Variants in AMPD3 observed in about 807,000 individuals in gnomAD.
The protein encoded by AMPD3 is adenosine monophosphate deaminase 3, also known as AMP deaminase 3.
AMPD3 carries 57 observed loss-of-function variants against 82.3 expected under a neutral mutation model. The observed-to-expected ratio is 0.69, with a 90% CI of 0.56 to 0.86. The LOEUF (loss-of-function observed/expected upper bound fraction) is 0.86, where lower values mean the gene tolerates loss of function less well. Ranked by LOEUF, AMPD3 falls within the 40% of genes least tolerant of loss-of-function variation. AMPD3 has a pLI of 0.00. For synonymous variants in AMPD3, 381 were observed against 394.7 expected (o/e 0.97, Z 0.41); for missense variants, 870 against 1,003.8 (o/e 0.87, Z 1.80).
chr11:10,486,660 G>A (rs1241546194), intron 5 of AMPD3: 2 of 985,292 alleles, frequency 2.0e-6, no homozygotes, highest in Non-Finnish European at 2.4e-6. Context: ...AGAGATCCTT[G>A]GGCCGTGGCC....
chr11:10,504,775 C>T (rs1849672224), intron 14 of AMPD3, 116 bp downstream of exon 14: 3 of 968,854 alleles, frequency 3.1e-6, no homozygotes, highest in East Asian at 5.0e-5. Flanking sequence ...GCCTCTGAGA[C>T]ACTCAGGCAC....
In AMPD3 at chr11:10,493,206, G is replaced by T. The variant is rs1194937332; in HGVS notation, c.940-143G>T. The T allele has an allele frequency of 8.7e-6, 8 of 921,958 alleles. No individual in the cohort carries two copies. In the Admixed American group the frequency reaches 1.4e-4, roughly 16 times the overall value. 57.1% of individuals were successfully genotyped at this position (921,958 alleles called of 1,614,324 possible). A position where few individuals can be genotyped will look rare whatever the true frequency, so the allele number is the denominator to read the frequency against. ...AGTTCCGAAGTCTGGAGGAGAAATG[G>T]GGGGTGGGATCCAGACACTGGTGGG... On this transcript the variant is annotated intron_variant, in intron 6 of 14. Coordinates refer to ENST00000396553, the MANE Select transcript of AMPD3 (RefSeq NM_001025389.2).
rs997270553 is a variant in AMPD3, at chr11:10,456,524, G to T, written c.-6+1076G>T. ...TGGAGGGACTGTGGCACCATGAAAA[G>T]TTACTGTTTGTTGAAACTGGCAGTG... is the stretch of plus-strand genomic sequence containing the variant. On this transcript the variant is annotated intron_variant, in intron 1 of 14. Coordinates refer to ENST00000396553, the MANE Select transcript of AMPD3 (RefSeq NM_001025389.2). The surrounding 1 kb of genome is among the most constrained non-coding windows in gnomAD (Gnocchi z 4.3). The T allele has an allele frequency of 1.1e-5, 18 of 1,605,654 alleles. No homozygotes were observed. The African/African-American group carries it at 2.1e-4, about 19-fold the overall frequency.
At chr11:10,458,756 T>C (rs1398542406) in intron 1 of AMPD3, among the ~76,000 whole-genome samples, 1 of 152,234 alleles carries the variant, frequency 6.6e-6, no homozygotes, top group Non-Finnish European at 1.5e-5. Context: ...CAGGTAAATA[T>C]CCTTGTGCTT....
chr11:10,504,832 T>C (rs1849673817), intron 14 of AMPD3, among the ~76,000 whole-genome samples, 173 bp downstream of exon 14: 1 of 152,190 alleles, frequency 6.6e-6, no homozygotes, highest in African/African-American at 2.4e-5. Flanking sequence ...GGCTGCTTCC[T>C]CACCCTTCTC....
In AMPD3 at chr11:10,485,322, C is replaced by A. The variant is rs1243486599; in HGVS notation, c.809+283C>A. Among the ~76,000 whole-genome samples the A allele has an allele frequency of 2.0e-5, 3 of 152,176 alleles. No individual in the cohort carries two copies. The East Asian group carries it at 5.8e-4, about 29-fold the overall frequency. Reference sequence around the variant, plus strand: ...GGTGCAGTGGTGCGATCTTGGTTCACTGCAACCTCTGCCTCCTGGGTTGAA... The same window carrying A: ...GGTGCAGTGGTGCGATCTTGGTTCAATGCAACCTCTGCCTCCTGGGTTGAA... On this transcript the variant is annotated intron_variant, in intron 5 of 14. Transcript: ENST00000396553.
At chr11:10,473,411 G>A (rs1176695560) in intron 2 of AMPD3, 4 of 985,288 alleles carry the variant, frequency 4.1e-6, no homozygotes, top group East Asian at 1.1e-4. Context: ...AGGGAGAAGC[G>A]AAGGTGAGTG....
Position 10,461,633 on chromosome 11 carries a change from G to GTCCC in AMPD3, c.116_119dup (p.Phe41ProfsTer90). The GTCCC allele has an allele frequency of 1.2e-6, 2 of 1,614,274 alleles. No homozygotes were observed. Among genetic ancestry groups the GTCCC allele is most frequent in the Non-Finnish European group, 1.7e-6 (2 of 1,180,052 alleles). On this transcript the variant is annotated frameshift_variant, in exon 2 of 15. Coordinates refer to ENST00000396553, the MANE Select transcript of AMPD3 (RefSeq NM_001025389.2). LOFTEE classifies it high-confidence loss of function. ...GAGAAGAGGACAGCAAAGATGCCCT[G>GTCCC]TCCCTGTTCACTGTCCCAGAGGACT... is the stretch of plus-strand genomic sequence containing the variant.
intron 13 of AMPD3, chr11:10,504,136 A>G (rs1285444432): frequency 4.3e-5 from 36 of 829,346 alleles, no homozygotes; most frequent in Non-Finnish European, 5.1e-5. Context: ...CTATCTATCT[A>G]TCTATCTATC....
intron 7 of AMPD3, 137 bp downstream of exon 7, chr11:10,493,680 C>A: frequency 1.0e-6 from 1 of 980,744 alleles, no homozygotes; most frequent in Non-Finnish European, 1.6e-6. Flanking sequence ...ACTGAGAGGT[C>A]ATGCGGCCTC....
chr11:10,499,934 T>C (rs1849528285), intron 10 of AMPD3, 152 bp from the exon 11 acceptor site: 4 of 1,499,050 alleles, frequency 2.7e-6, no homozygotes, highest in African/African-American at 2.8e-5. Context: ...GGGAGGAATA[T>C]GGCCTCAGGC....
intron 6 of AMPD3, among the ~76,000 whole-genome samples, chr11:10,489,477 G>C (rs1307021357): frequency 1.3e-5 from 2 of 152,162 alleles, no homozygotes; most frequent in African/African-American, 4.8e-5. Context: ...CTGGCGTGGG[G>C]CTAGGGTAAC....
rs1325713483 is a variant in AMPD3 at position 10,482,127 on chromosome 11, A to G, written c.491A>G (p.Lys164Arg). Reference sequence around the variant, plus strand: ...GCCAAGGCCCTAATGATCCGGGAGAAGTATGCGCGGCTCGCCTACCACCGC... The same window carrying G: ...GCCAAGGCCCTAATGATCCGGGAGAGGTATGCGCGGCTCGCCTACCACCGC... ...SLAKALMIRE[K>R]YARLAYHRFP... Residue 164 changes from lysine to arginine, a missense_variant, in exon 4 of 15, where the codon AAG (lysine) becomes AGG (arginine). Transcript: ENST00000396553. 6.8e-6 allele frequency: 11 copies of G among 1,614,064 alleles called. No homozygotes were observed. The highest frequency in any genetic ancestry group is 9.3e-6 in the Non-Finnish European group (11 of 1,180,048).
chr11:10,483,134 A>T (rs1338496881), intron 4 of AMPD3, among the ~76,000 whole-genome samples: 1 of 152,174 alleles, frequency 6.6e-6, no homozygotes, highest in Admixed American at 6.5e-5. Context: ...TCTGGCATCT[A>T]GTGAGTGTTC....
At chr11:10,478,194 T>A (rs907276757) in intron 2 of AMPD3, 42 of 985,300 alleles carry the variant, frequency 4.3e-5, no homozygotes, top group Non-Finnish European at 5.1e-5. Context: ...TCCCCTCTAG[T>A]GCCCTGTGGT....
intron 2 of AMPD3, among the ~76,000 whole-genome samples, chr11:10,475,949 G>A (rs929115656): frequency 6.6e-6 from 1 of 152,188 alleles, no homozygotes. Flanking sequence ...CAAGAGTACA[G>A]TGTGGCTAAC....
chr11:10,499,682 C>A, intron 10 of AMPD3: 1 of 985,402 alleles, frequency 1.0e-6, no homozygotes, highest in Non-Finnish European at 1.2e-6. Context: ...GTACTAGGAC[C>A]CTTTTCCCTC....
At chr11:10,471,366 C>G (rs905270306) in intron 2 of AMPD3, among the ~76,000 whole-genome samples, 1 of 152,060 alleles carries the variant, frequency 6.6e-6, no homozygotes, top group African/African-American at 2.4e-5. Context: ...TAGAAGAAAA[C>G]CTAGGACATT....
chr11:10,481,730 T>TG (rs1311224327), intron 3 of AMPD3: 3 of 159,932 alleles, frequency 1.9e-5, no homozygotes, highest in Non-Finnish European at 2.7e-5. Flanking sequence ...CAGCATCACA[T>TG]TGTGACAGCA....
Sources: gnomAD v4.1 joint callset for allele counts (sites outside exome capture counted in the v4.1 genomes callset) on GRCh38, gnomAD v4.1.1 for gene constraint, Gnocchi (gnomAD v3.1) non-coding constraint, MANE v1.5 for transcripts, NCBI Gene and HGNC (gene_info 2026-07-23, HGNC 2026-07-21) for gene names.